FAM174A: variants seen among roughly 807,000 people sequenced by gnomAD.
The protein encoded by FAM174A is family with sequence similarity 174 member A.
In FAM174A, 14 loss-of-function variants were observed where a neutral mutation model predicts 14.3. That is an observed-to-expected ratio of 0.98 (90% confidence interval 0.65 to 1.53). The LOEUF is 1.53. FAM174A is among the 40% of genes most tolerant of loss of function. The pLI, the probability that FAM174A is intolerant of heterozygous loss-of-function variation, is 0.00. For missense variants in FAM174A, 241 were observed against 249.6 expected, an observed-to-expected ratio of 0.97 and a Z score of 0.23; for synonymous variants, 108 against 111.4, an observed-to-expected ratio of 0.97 and a Z score of 0.19.
Position 100,579,985 on chromosome 5 carries a change from T to C in FAM174A, c.570-6196T>C, listed in dbSNP as rs966423442. ...ATATTTGCTTCACTGATATTAATTA[T>C]AGTTTACTATTCTCTTTTATGTATT... On this transcript the variant is annotated intron_variant, in intron 2 of 2. Coordinates refer to ENST00000312637, the MANE Select transcript of FAM174A (RefSeq NM_198507.3). Among the ~76,000 whole-genome samples the C allele has an allele frequency of 1.2e-4, 19 of 152,334 alleles. 1 individual carries two copies. The highest frequency in any genetic ancestry group is 1.2e-3 in the Admixed American group (19 of 15,302).
At chr5:100,570,634 T>C (rs190928842) in intron 2 of FAM174A, among the ~76,000 whole-genome samples, 30 of 152,062 alleles carry the variant, frequency 2.0e-4, no homozygotes, top group Non-Finnish European at 3.5e-4. Flanking sequence ...ATCCTTTAAA[T>C]CTGTTCAGTT....
intron 1 of FAM174A, among the ~76,000 whole-genome samples, chr5:100,552,784 A>G (rs1215093216): frequency 1.3e-5 from 2 of 152,138 alleles, no homozygotes; most frequent in Non-Finnish European, 2.9e-5. Context: ...AGGAATCTGC[A>G]TCTATATTAA....
Position 100,535,525 on chromosome 5 carries a change from G to A in FAM174A, c.-6G>A. The A allele has an allele frequency of 6.2e-7, 1 of 1,612,264 alleles. No individual in the cohort carries two copies. The highest frequency in any genetic ancestry group is 8.5e-7 in the Non-Finnish European group (1 of 1,179,560). On this transcript the variant is annotated 5_prime_UTR_variant, in exon 1 of 3. Coordinates refer to ENST00000312637, the MANE Select transcript of FAM174A (RefSeq NM_198507.3). ...TCCCGGGTGGTGAGAGAGCGGTCCG[G>A]GAACGATGAAGGCCTCGCAGTGCTG...
intron 1 of FAM174A, among the ~76,000 whole-genome samples, chr5:100,541,921 A>G (rs908869613): frequency 2.6e-5 from 4 of 152,026 alleles, no homozygotes; most frequent in African/African-American, 7.2e-5. Context: ...CTCCTTGAGT[A>G]TTTCTTGCCT....
chr5:100,554,615 T>A (rs1396833336), intron 1 of FAM174A, among the ~76,000 whole-genome samples: 2 of 151,190 alleles, frequency 1.3e-5, no homozygotes. Flanking sequence ...TGGACTATTT[T>A]TCTATTTCTA....
rs1333510153 is a variant in FAM174A at position 100,572,547 on chromosome 5, C to G, written c.569+10359C>G. On this transcript the variant is annotated intron_variant, in intron 2 of 2. Transcript: ENST00000312637. ...ATAGTTTACTGAGAATGATGATTTC[C>G]AATTTCATTCATGTCCCTACAAAGG... 2.6e-5 allele frequency among the ~76,000 whole-genome samples: 4 copies of G among 151,658 alleles called. No individual in the cohort carries two copies. In the East Asian group the frequency reaches 7.7e-4, roughly 29 times the overall value.
intron 1 of FAM174A, among the ~76,000 whole-genome samples, chr5:100,559,823 A>G (rs527434129): frequency 6.6e-6 from 1 of 151,498 alleles, no homozygotes; most frequent in South Asian, 2.1e-4. Context: ...ACTTCTTTGC[A>G]TTGGTTATTC....
At chr5:100,556,693 T>C (rs1277717274) in intron 1 of FAM174A, among the ~76,000 whole-genome samples, 1 of 152,180 alleles carries the variant, frequency 6.6e-6, no homozygotes, top group African/African-American at 2.4e-5. Flanking sequence ...TATTTTATTC[T>C]CTTTGAAGCA....
intron 1 of FAM174A, among the ~76,000 whole-genome samples, chr5:100,556,335 G>C (rs1401163489): frequency 2.0e-5 from 3 of 152,160 alleles, no homozygotes; most frequent in Non-Finnish European, 2.9e-5. Flanking sequence ...TGCTGTTTTG[G>C]TTACTGTAGC....
chr5:100,579,682 A>G (rs1257494270), intron 2 of FAM174A, among the ~76,000 whole-genome samples: 1 of 152,026 alleles, frequency 6.6e-6, no homozygotes, highest in Non-Finnish European at 1.5e-5. Flanking sequence ...CACCTCAGTC[A>G]CCCAAAGTGC....
At chr5:100,540,332 A>C (rs1327855921) in intron 1 of FAM174A, among the ~76,000 whole-genome samples, 2 of 152,114 alleles carry the variant, frequency 1.3e-5, no homozygotes, top group Admixed American at 6.5e-5. Context: ...TTTACCACCT[A>C]TTGGGTGCCA....
chr5:100,582,832 A>C (rs1040491368), intron 2 of FAM174A, among the ~76,000 whole-genome samples: 1 of 152,138 alleles, frequency 6.6e-6, no homozygotes, highest in African/African-American at 2.4e-5. Context: ...AATAGGAACA[A>C]ATAACTGTAT....
chr5:100,550,692 TGGAAGCC>T (rs1746245018), intron 1 of FAM174A, among the ~76,000 whole-genome samples: 1 of 152,134 alleles, frequency 6.6e-6, no homozygotes, highest in South Asian at 2.1e-4. Flanking sequence ...ATAGTTTCAG[TGGAAGCC>T]AATAGTAGAG....
chr5:100,554,287 C>T (rs1746318793), intron 1 of FAM174A, among the ~76,000 whole-genome samples: 1 of 148,094 alleles, frequency 6.8e-6, no homozygotes, highest in Non-Finnish European at 1.5e-5. Context: ...CAATAGTAAA[C>T]TAACTTCCCT....
chr5:100,567,770 A>AC (rs2112391531), intron 2 of FAM174A, among the ~76,000 whole-genome samples: 1 of 151,928 alleles, frequency 6.6e-6, no homozygotes, highest in South Asian at 2.1e-4. Context: ...TTGAAATACT[A>AC]CTTAGTTAAT....
intron 1 of FAM174A, among the ~76,000 whole-genome samples, chr5:100,549,101 C>T (rs1432253289): frequency 1.3e-5 from 2 of 151,982 alleles, no homozygotes; most frequent in African/African-American, 2.4e-5. Context: ...GATGGTAGAA[C>T]TGACAGGGCT....
At chr5:100,563,318 C>T (rs1185043587) in intron 2 of FAM174A, among the ~76,000 whole-genome samples, 2 of 150,936 alleles carry the variant, frequency 1.3e-5, no homozygotes, top group African/African-American at 4.9e-5. Flanking sequence ...ATATTCCATG[C>T]AAATGGTAAC....
At chr5:100,563,361 A>T (rs1351876847) in intron 2 of FAM174A, among the ~76,000 whole-genome samples, 1 of 150,638 alleles carries the variant, frequency 6.6e-6, no homozygotes, top group Non-Finnish European at 1.5e-5. Context: ...AATTTATATC[A>T]GACAAATTAG....
chr5:100,564,660 G>T (rs1340893913), intron 2 of FAM174A, among the ~76,000 whole-genome samples: 2 of 151,410 alleles, frequency 1.3e-5, no homozygotes, highest in African/African-American at 2.4e-5. Flanking sequence ...AAAAGAAAAG[G>T]CTCAAATAAA....
Sources: gnomAD v4.1 joint callset for allele counts (sites outside exome capture counted in the v4.1 genomes callset) on GRCh38, gnomAD v4.1.1 for gene constraint, MANE v1.5 for transcripts, NCBI Gene and HGNC (gene_info 2026-07-23, HGNC 2026-07-21) for gene names.